The following MYRIP variants were observed in gnomAD, a reference collection of about 807,000 sequenced individuals.
The protein encoded by MYRIP is rab effector MyRIP.
MYRIP carries 49 observed loss-of-function variants against 98.0 expected under a neutral mutation model. The observed-to-expected ratio is 0.50, with a 90% CI of 0.40 to 0.63. The LOEUF is 0.63. Ranked by LOEUF, MYRIP falls within the 30% of genes least tolerant of loss-of-function variation. MYRIP has a pLI of 0.00. For synonymous variants in MYRIP, 404 were observed against 409.5 expected (o/e 0.99, Z 0.16); for missense variants, 1,004 against 1,058.2 (o/e 0.95, Z 0.71).
intron 4 of MYRIP, among the ~76,000 whole-genome samples, chr3:40,154,922 A>T (rs192766189): frequency 6.6e-6 from 1 of 152,222 alleles, no homozygotes; most frequent in Non-Finnish European, 1.5e-5. Context: ...AGTGTTAGAT[A>T]AATAAATGGG....
intron 2 of MYRIP, among the ~76,000 whole-genome samples, chr3:39,971,983 A>G (rs1468966371): frequency 1.3e-5 from 2 of 152,088 alleles, no homozygotes; most frequent in Non-Finnish European, 2.9e-5. Flanking sequence ...AACATTCCTG[A>G]GCAATAAAAT....
At chr3:39,894,795 CTT>C (rs1943567545) in intron 1 of MYRIP, among the ~76,000 whole-genome samples, 1 of 152,156 alleles carries the variant, frequency 6.6e-6, no homozygotes, top group African/African-American at 2.4e-5. Context: ...GTACATAAGT[CTT>C]TGCACATTTT....
At chr3:39,852,344 C>T (rs1171122510) in intron 1 of MYRIP, among the ~76,000 whole-genome samples, 1 of 152,114 alleles carries the variant, frequency 6.6e-6, no homozygotes, top group Non-Finnish European at 1.5e-5. Context: ...ACAACCAGAC[C>T]CTGCTCAATG....
intron 4 of MYRIP, among the ~76,000 whole-genome samples, chr3:40,156,747 T>A (rs1355535193): frequency 9.9e-5 from 15 of 152,020 alleles, no homozygotes; most frequent in Non-Finnish European, 1.8e-4. Context: ...TTTATTCTCT[T>A]TGAAGCAATT....
intron 1 of MYRIP, among the ~76,000 whole-genome samples, chr3:39,855,299 A>G (rs543418355): frequency 1.3e-5 from 2 of 152,312 alleles, no homozygotes; most frequent in Non-Finnish European, 2.9e-5. Context: ...TCAAGAGAGC[A>G]TGAGCTCTAG....
At chr3:39,881,880 ATTCTTC>A (rs962488964) in intron 1 of MYRIP, among the ~76,000 whole-genome samples, 1 of 151,568 alleles carries the variant, frequency 6.6e-6, no homozygotes, top group Non-Finnish European at 1.5e-5. Flanking sequence ...TTTTGTTGAC[ATTCTTC>A]TTCTTCTTGT....
intron 3 of MYRIP, among the ~76,000 whole-genome samples, chr3:40,076,221 A>G (rs966732303): frequency 3.4e-4 from 52 of 152,224 alleles, no homozygotes; most frequent in African/African-American, 1.3e-3. Flanking sequence ...AAAAATAAAA[A>G]TAAGAAACTC....
chr3:39,995,238 C>G (rs528765715), intron 2 of MYRIP, among the ~76,000 whole-genome samples: 1 of 151,790 alleles, frequency 6.6e-6, no homozygotes, highest in Non-Finnish European at 1.5e-5. Context: ...CAAAGTACTC[C>G]GAGCTAAAGG....
intron 3 of MYRIP, among the ~76,000 whole-genome samples, chr3:40,071,964 A>G (rs969663650): frequency 2.0e-5 from 3 of 151,962 alleles, no homozygotes; most frequent in African/African-American, 7.3e-5. Context: ...TGAGGGCCAG[A>G]CTCTCTGCTA....
At chr3:39,973,889 G>A (rs557839280) in intron 2 of MYRIP, among the ~76,000 whole-genome samples, 80 of 152,144 alleles carry the variant, frequency 5.3e-4, no homozygotes, top group African/African-American at 1.1e-3. Flanking sequence ...TCTCTGGGAC[G>A]CATTCAAAGC....
At chr3:39,989,155 T>C (rs1168236682) in intron 2 of MYRIP, among the ~76,000 whole-genome samples, 1 of 152,164 alleles carries the variant, frequency 6.6e-6, no homozygotes, top group African/African-American at 2.4e-5. Flanking sequence ...CATGAGTTTG[T>C]CTAATATTGA....
intron 2 of MYRIP, among the ~76,000 whole-genome samples, chr3:39,975,207 T>C (rs999330671): frequency 6.6e-6 from 1 of 152,166 alleles, no homozygotes; most frequent in African/African-American, 2.4e-5. Flanking sequence ...GTCTTCAGGA[T>C]ACCAAATCAG....
intron 2 of MYRIP, among the ~76,000 whole-genome samples, chr3:39,970,458 GTA>G: frequency 6.6e-6 from 1 of 152,208 alleles, no homozygotes; most frequent in South Asian, 2.1e-4. Context: ...TTACATATGT[GTA>G]TGTGTGTGTG....
chr3:40,163,603 G>A (rs1950442321), intron 5 of MYRIP, among the ~76,000 whole-genome samples: 4 of 152,248 alleles, frequency 2.6e-5, no homozygotes, highest in African/African-American at 4.8e-5. Context: ...CTGGAGCTGG[G>A]ACATCCATCT....
At chr3:39,999,637 A>T (rs908821583) in intron 2 of MYRIP, among the ~76,000 whole-genome samples, 2 of 152,176 alleles carry the variant, frequency 1.3e-5, no homozygotes, top group Non-Finnish European at 2.9e-5. Flanking sequence ...AGGGATCTAG[A>T]ACTAGAAATA....
At chr3:39,943,326 A>G (rs1200172420) in intron 2 of MYRIP, among the ~76,000 whole-genome samples, 1 of 152,188 alleles carries the variant, frequency 6.6e-6, no homozygotes, top group Non-Finnish European at 1.5e-5. Context: ...ACTCCATCCA[A>G]TGAGGAAAAA....
At chr3:40,160,528 C>T (rs550991379) in intron 4 of MYRIP, among the ~76,000 whole-genome samples, 1 of 152,334 alleles carries the variant, frequency 6.6e-6, no homozygotes, top group Admixed American at 6.5e-5. Flanking sequence ...CCACCCAGTT[C>T]GAGTTTCCTG....
At position 40,089,544 on chromosome 3, in the gene MYRIP, A is replaced by G. The variant is rs1948700772; in HGVS notation, c.332+45273A>G. Among the ~76,000 whole-genome samples the G allele has an allele frequency of 3.9e-5, 6 of 152,346 alleles. 1 individual carries two copies. In the South Asian group the frequency reaches 1.2e-3, roughly 32 times the overall value. On this transcript the variant is annotated intron_variant, in intron 3 of 16. Transcript: ENST00000302541. ...TAGCAGTGGAACTGGAGTCCTAGAT[A>G]GGCTGTGCCTAAATGCTAGAAGTGT...
At chr3:40,142,475 T>A (rs925003856) in intron 3 of MYRIP, among the ~76,000 whole-genome samples, 3 of 151,674 alleles carry the variant, frequency 2.0e-5, no homozygotes, top group Non-Finnish European at 4.4e-5. Flanking sequence ...AACTTGGAAA[T>A]TTTTTTTTAT....
Sources: gnomAD v4.1 joint callset for allele counts (sites outside exome capture counted in the v4.1 genomes callset) on GRCh38, gnomAD v4.1.1 for gene constraint, MANE v1.5 for transcripts, NCBI Gene and HGNC (gene_info 2026-07-23, HGNC 2026-07-21) for gene names.